The following TRIM69 variants were observed in gnomAD, a reference collection of about 807,000 sequenced individuals.
The protein encoded by TRIM69 is tripartite motif containing 69.
In TRIM69, 29 loss-of-function variants were observed where a neutral mutation model predicts 37.7. The ratio of observed to expected loss-of-function variants is 0.77; its 90% CI spans 0.57 to 1.05. The LOEUF (loss-of-function observed/expected upper bound fraction) is 1.05, where lower values mean the gene tolerates loss of function less well. Among genes scored for constraint, TRIM69 ranks in the 50% least tolerant of loss-of-function variants. The pLI is 0.00. For synonymous variants in TRIM69, 209 were observed against 212.4 expected (o/e 0.98, Z 0.14); for missense variants, 596 against 579.9 (o/e 1.03, Z -0.28).
chr15:44,741,904 A>G (rs925567354), intron 1 of TRIM69, among the ~76,000 whole-genome samples: 7 of 152,254 alleles, frequency 4.6e-5, no homozygotes, highest in African/African-American at 1.7e-4. Context: ...AGGAACTGGT[A>G]CCATTCCTTC....
intron 3 of TRIM69, 21 bp downstream of exon 3, chr15:44,756,484 G>T: frequency 6.6e-7 from 1 of 1,508,442 alleles, no homozygotes; most frequent in Non-Finnish European, 9.0e-7. Context: ...AGAAAGAGGG[G>T]TTATGAGATA....
At chr15:44,741,967 T>C (rs1037321195) in intron 1 of TRIM69, among the ~76,000 whole-genome samples, 2 of 152,248 alleles carry the variant, frequency 1.3e-5, no homozygotes, top group African/African-American at 4.8e-5. Flanking sequence ...ACTCATTTTA[T>C]GAGGCCAGCA....
chr15:44,741,791 C>T (rs1478914000), intron 1 of TRIM69, among the ~76,000 whole-genome samples: 3 of 152,194 alleles, frequency 2.0e-5, no homozygotes, highest in Non-Finnish European at 4.4e-5. Context: ...TCTGAATAGA[C>T]CAATAACAGG....
intron 6 of TRIM69, among the ~76,000 whole-genome samples, chr15:44,763,642 G>A (rs2087826557): frequency 2.0e-5 from 3 of 152,128 alleles, no homozygotes; most frequent in Admixed American, 2.0e-4. Context: ...ATTTTTTACT[G>A]GATGCCAAAT....
At chr15:44,738,992 A>G (rs1205869830) in intron 1 of TRIM69, among the ~76,000 whole-genome samples, 1 of 152,234 alleles carries the variant, frequency 6.6e-6, no homozygotes, top group Non-Finnish European at 1.5e-5. Context: ...AAACCAGTCA[A>G]TCATATAATA....
chr15:44,767,082 A>G lies in TRIM69; in HGVS notation c.962-149A>G, dbSNP rs970633246. 53 of 391,696 alleles carry G rather than the reference A, an allele frequency of 1.4e-4. 1 individual carries two copies. Among genetic ancestry groups the G allele is most frequent in the Middle Eastern group, 1.3e-3 (2 of 1,540 alleles). 24.3% of individuals were successfully genotyped at this position (391,696 alleles called of 1,614,324 possible). ...AAAAAAAAAAAAAAAAAAAAAAAAAAAAGCATATAAGTAATTGCTTGCCTG... is the reference window on the plus strand; with the variant it reads ...AAAAAAAAAAAAAAAAAAAAAAAAAGAAGCATATAAGTAATTGCTTGCCTG... On this transcript the variant is annotated intron_variant, in intron 6 of 6. Transcript: ENST00000329464.
intron 1 of TRIM69, among the ~76,000 whole-genome samples, chr15:44,742,240 A>C (rs200343525): frequency 0.1 from 15,699 of 150,144 alleles, 927 homozygotes; most frequent in Middle Eastern, 0.26. Context: ...CAATAGATGC[A>C]GAAAAGGCCT....
Position 44,758,333 on chromosome 15 carries a change from C to A in TRIM69, c.580-288C>A, listed in dbSNP as rs1481636299. 3.0e-5 allele frequency: 14 copies of A among 472,986 alleles called. No homozygotes were observed. The South Asian group carries it at 3.9e-4, about 13-fold the overall frequency. 29.3% of individuals were successfully genotyped at this position (472,986 alleles called of 1,614,324 possible). A position where few individuals can be genotyped will look rare whatever the true frequency, so the allele number is the denominator to read the frequency against. ...TTATCTTTCATTCTAGAATGTTTGACTAACTCCACAGTCTTATTTAATATG... is the reference window on the plus strand; with the variant it reads ...TTATCTTTCATTCTAGAATGTTTGAATAACTCCACAGTCTTATTTAATATG... On this transcript the variant is annotated intron_variant, in intron 3 of 6. Transcript: ENST00000329464.
intron 1 of TRIM69, chr15:44,754,313 GA>G (rs1346603793): frequency 6.6e-6 from 1 of 151,960 alleles, no homozygotes; most frequent in Non-Finnish European, 1.5e-5. Flanking sequence ...TTTTAGTAGA[GA>G]TTTTTAGTAG....
chr15:44,760,947 T>C lies in TRIM69; in HGVS notation c.961+1075T>C, dbSNP rs534429300. The stretch of plus-strand genomic sequence containing the variant: ...TTTTTTTTTTTTTTGAGATGGAGTC[T>C]CGCTCTGTTGCCCAGGCTGGAGTGC... On this transcript the variant is annotated intron_variant, in intron 6 of 6. Transcript: ENST00000329464. 2.2e-3 allele frequency among the ~76,000 whole-genome samples: 339 copies of C among 152,048 alleles called. 1 individual carries two copies. The highest frequency in any genetic ancestry group is 8.0e-3 in the African/African-American group (332 of 41,470).
At chr15:44,743,953 A>T (rs972197307) in intron 1 of TRIM69, among the ~76,000 whole-genome samples, 9 of 152,098 alleles carry the variant, frequency 5.9e-5, no homozygotes, top group African/African-American at 1.9e-4. Flanking sequence ...ATCCCATTAC[A>T]GGGTATATAC....
chr15:44,737,099 T>C (rs999407009), intron 1 of TRIM69, among the ~76,000 whole-genome samples: 1 of 152,216 alleles, frequency 6.6e-6, no homozygotes, highest in Non-Finnish European at 1.5e-5. Context: ...ATAGTAAACA[T>C]TTTTAATTGA....
chr15:44,752,251 T>A (rs1443339016), intron 1 of TRIM69, among the ~76,000 whole-genome samples: 2 of 152,236 alleles, frequency 1.3e-5, no homozygotes. Flanking sequence ...TATTTCTATC[T>A]TCACATCTGT....
chr15:44,739,158 C>A (rs943453459), intron 1 of TRIM69, among the ~76,000 whole-genome samples: 3 of 152,138 alleles, frequency 2.0e-5, no homozygotes, highest in Non-Finnish European at 4.4e-5. Flanking sequence ...AAATTCCATA[C>A]CCATTATCAG....
At chr15:44,752,617 T>C (rs2087558343) in intron 1 of TRIM69, among the ~76,000 whole-genome samples, 1 of 152,200 alleles carries the variant, frequency 6.6e-6, no homozygotes, top group South Asian at 2.1e-4. Context: ...ATCTATTTCG[T>C]CTAAAGTAAT....
intron 1 of TRIM69, among the ~76,000 whole-genome samples, chr15:44,749,027 C>T (rs1361744326): frequency 2.6e-5 from 4 of 151,630 alleles, no homozygotes; most frequent in Admixed American, 6.6e-5. Flanking sequence ...ATTACAGGCA[C>T]GTGACACCAC....
At chr15:44,756,290 T>C in intron 2 of TRIM69, 78 bp from the exon 3 acceptor site, 1 of 989,480 alleles carries the variant, frequency 1.0e-6, no homozygotes, top group Non-Finnish European at 1.5e-6. Flanking sequence ...TCTTGCACAC[T>C]GGGGCCTTGG....
chr15:44,767,317 A>T lies in TRIM69; in HGVS notation c.1048A>T (p.Ile350Phe), dbSNP rs771777484. The change falls in exon 7 of 7, where the codon ATT (isoleucine) becomes TTT (phenylalanine). Residue 350 changes from isoleucine to phenylalanine, a missense_variant. Transcript: ENST00000329464. ...KSQTSVWHGD[I>F]KKIMPDDPER... Reference sequence around the variant, plus strand: ...CCAAACCAGCGTCTGGCATGGTGACATTAAGAAGATAATGCCTGATGATCC... The same window carrying T: ...CCAAACCAGCGTCTGGCATGGTGACTTTAAGAAGATAATGCCTGATGATCC... 1.2e-6 allele frequency: 2 copies of T among 1,614,138 alleles called. No homozygotes were observed. Among genetic ancestry groups the T allele is most frequent in the Non-Finnish European group, 1.7e-6 (2 of 1,180,040 alleles).
intron 1 of TRIM69, chr15:44,753,149 C>T (rs1459766755): frequency 6.6e-6 from 1 of 152,104 alleles, no homozygotes; most frequent in Non-Finnish European, 1.5e-5. Flanking sequence ...TTCATTTCAA[C>T]ATGTAGGACT....
Sources: allele counts gnomAD v4.1 joint callset (sites outside exome capture counted in the v4.1 genomes callset), GRCh38; gene constraint gnomAD v4.1.1; transcripts MANE v1.5; gene names NCBI Gene and HGNC (gene_info 2026-07-23, HGNC 2026-07-21).